MLIP: variants seen among roughly 807,000 people sequenced by gnomAD.
The protein encoded by MLIP is muscular LMNA interacting protein.
Under a neutral mutation model 84.8 loss-of-function variants are expected in MLIP, and 79 were observed. That is an observed-to-expected ratio of 0.93 (90% confidence interval 0.78 to 1.12). The LOEUF (loss-of-function observed/expected upper bound fraction) is 1.12. MLIP is among the 50% of genes most tolerant of loss of function. The pLI is 0.00. For missense variants in MLIP, 1,257 were observed against 1,160.6 expected, an observed-to-expected ratio of 1.08 and a Z score of -1.21; for synonymous variants, 504 against 463.0, an observed-to-expected ratio of 1.09 and a Z score of -1.14.
chr6:54,085,712 T>C (rs1767441751), intron 1 of MLIP, among the ~76,000 whole-genome samples: 1 of 152,170 alleles, frequency 6.6e-6, no homozygotes, highest in Non-Finnish European at 1.5e-5. Flanking sequence ...ATCCATTCCT[T>C]TGAAAAGGTC....
intron 3 of MLIP, among the ~76,000 whole-genome samples, chr6:54,125,676 G>A (rs1054542052): frequency 4.6e-5 from 7 of 152,204 alleles, no homozygotes; most frequent in Non-Finnish European, 7.3e-5. Context: ...CGCTGGCTTT[G>A]AGAGTAGGTA....
intron 1 of MLIP, among the ~76,000 whole-genome samples, chr6:54,087,190 TC>T (rs1189975634): frequency 6.6e-6 from 1 of 152,140 alleles, no homozygotes; most frequent in Non-Finnish European, 1.5e-5. Context: ...TTTCTGGAAG[TC>T]TATTCTAATA....
At position 54,149,101 on chromosome 6, in the gene MLIP, A is replaced by G. The variant is rs757695034; in HGVS notation, c.2263A>G (p.Thr755Ala). The G allele has an allele frequency of 6.2e-7, 1 of 1,613,000 alleles. No homozygotes were observed. The highest frequency in any genetic ancestry group is 1.7e-5 in the Admixed American group (1 of 59,954). Residue 755 changes from threonine (T) to alanine (A), a missense_variant, in exon 5 of 14, where the codon ACA becomes GCA. By Grantham distance (58) the Thr-to-Ala change is moderately conservative. Coordinates refer to ENST00000502396, the MANE Select transcript of MLIP (RefSeq NM_001281747.2). ...CTACAAGGCTTTTGCAGCAATCCCT[A>G]CAAACACATTGCTTTTGGAACAGAA... Reference protein sequence around the residue: ...SSYKAFAAIPTNTLLLEQKAL... With the variant: ...SSYKAFAAIPANTLLLEQKAL...
In MLIP at chr6:54,137,188, C is replaced by T. The variant is rs541631723; in HGVS notation, c.1119C>T (p.Leu373=). ...CAGTCCGCATTGTCACGCATTCACTCTCTCCGAGCCCCAAACCATTTACCT... is the reference window on the plus strand; with the variant it reads ...CAGTCCGCATTGTCACGCATTCACTTTCTCCGAGCCCCAAACCATTTACCT... The part of the protein sequence containing the change: ...YIPVRIVTHS[L]SPSPKPFTSS... The change falls in exon 4 of 14, where the codon CTC becomes CTT. Residue 373 remains leucine, a synonymous_variant. Coordinates refer to ENST00000502396, the MANE Select transcript of MLIP (RefSeq NM_001281747.2). 1 of 1,536,126 alleles carries T rather than the reference C, an allele frequency of 6.5e-7. No individual in the cohort carries two copies. The highest frequency in any genetic ancestry group is 2.4e-5 in the East Asian group (1 of 40,904).
chr6:54,199,195 T>C (rs116256157), intron 10 of MLIP, among the ~76,000 whole-genome samples: 2,029 of 152,196 alleles, frequency 0.013, 46 homozygotes, highest in African/African-American at 0.047. Context: ...GGTGGATATT[T>C]AACAAAGATT....
upstream of MLIP, among the ~76,000 whole-genome samples, chr6:54,110,369 T>C (rs74836866): frequency 3.6e-3 from 547 of 152,284 alleles, 1 homozygote; most frequent in African/African-American, 0.012. Context: ...CATTAGCTTT[T>C]TGAGGGCAAG....
At chr6:54,020,023 A>G (rs1763407470) in intron 1 of MLIP, among the ~76,000 whole-genome samples, 1 of 152,204 alleles carries the variant, frequency 6.6e-6, no homozygotes. Context: ...CCCACTTTGT[A>G]CCTCTGCCCT....
intron 12 of MLIP, among the ~76,000 whole-genome samples, chr6:54,240,860 C>T (rs1199597797): frequency 1.3e-5 from 2 of 152,250 alleles, no homozygotes; most frequent in Non-Finnish European, 2.9e-5. Flanking sequence ...CCTGTAGTCC[C>T]AGCTACTCGA....
intron 1 of MLIP, among the ~76,000 whole-genome samples, chr6:54,043,646 T>A (rs563983804): frequency 6.6e-4 from 100 of 152,298 alleles, no homozygotes; most frequent in Non-Finnish European, 1.3e-3. Flanking sequence ...GAATTATGTC[T>A]GGTACAGAGA....
At chr6:54,119,996 C>T (rs573208672) in intron 1 of MLIP, among the ~76,000 whole-genome samples, 1 of 152,264 alleles carries the variant, frequency 6.6e-6, no homozygotes, top group East Asian at 1.9e-4. Flanking sequence ...GCTCCCCTTT[C>T]CTTCTCTACT....
intron 1 of MLIP, among the ~76,000 whole-genome samples, chr6:54,101,130 T>C (rs1271389344): frequency 1.3e-5 from 2 of 152,174 alleles, no homozygotes; most frequent in Non-Finnish European, 2.9e-5. Flanking sequence ...GATTTTTAGC[T>C]ATTGTGGACA....
intron 9 of MLIP, among the ~76,000 whole-genome samples, chr6:54,175,245 C>T (rs1290191654): frequency 6.6e-6 from 1 of 151,676 alleles, no homozygotes; most frequent in Non-Finnish European, 1.5e-5. Context: ...TTGTAGTTCC[C>T]TATAAATTTT....
intron 3 of MLIP, among the ~76,000 whole-genome samples, chr6:54,135,763 A>C (rs2150478921): frequency 6.6e-6 from 1 of 152,220 alleles, no homozygotes; most frequent in Non-Finnish European, 1.5e-5. Context: ...GTTCTGTTTA[A>C]AAGGTGTTCA....
chr6:54,082,135 G>A (rs1215269010), intron 1 of MLIP, among the ~76,000 whole-genome samples: 4 of 152,056 alleles, frequency 2.6e-5, no homozygotes, highest in Non-Finnish European at 5.9e-5. Context: ...ATTATTTTTA[G>A]AATGTTTCTG....
chr6:54,138,289 A>T lies in MLIP; in HGVS notation c.2217+3A>T. The T allele has an allele frequency of 6.5e-7, 1 of 1,532,052 alleles. No individual in the cohort carries two copies. Among genetic ancestry groups the T allele is most frequent in the Non-Finnish European group, 8.7e-7 (1 of 1,143,952 alleles). 94.9% of individuals were successfully genotyped at this position (1,532,052 alleles called of 1,614,324 possible). A position where few individuals can be genotyped will look rare whatever the true frequency, so the allele number is the denominator to read the frequency against. The stretch of plus-strand genomic sequence containing the variant: ...GCCCAGAAAATAAGAAATCAAAGGT[A>T]TTTTTTGCATGTTGCATGGTGCATG... On this transcript the variant is annotated splice_donor_region_variant and intron_variant, in intron 4 of 13. Coordinates refer to ENST00000502396, the MANE Select transcript of MLIP (RefSeq NM_001281747.2).
intron 1 of MLIP, among the ~76,000 whole-genome samples, chr6:54,050,766 C>T (rs1239411266): frequency 1.3e-5 from 2 of 152,086 alleles, no homozygotes; most frequent in African/African-American, 4.8e-5. Context: ...GCTGTATGGG[C>T]ATCATGGTAT....
At chr6:54,084,157 C>CT (rs919403725) in intron 1 of MLIP, among the ~76,000 whole-genome samples, 2 of 152,094 alleles carry the variant, frequency 1.3e-5, no homozygotes, top group African/African-American at 4.8e-5. Context: ...CTTCCTTGAA[C>CT]TTTTTTGCTC....
At chr6:54,024,512 G>GA (rs1171270259) in intron 1 of MLIP, among the ~76,000 whole-genome samples, 1 of 152,044 alleles carries the variant, frequency 6.6e-6, no homozygotes, top group Non-Finnish European at 1.5e-5. Flanking sequence ...AATGTACTCA[G>GA]AAAAAACAAA....
intron 1 of MLIP, among the ~76,000 whole-genome samples, chr6:54,042,512 A>G (rs1333687104): frequency 6.6e-6 from 1 of 152,180 alleles, no homozygotes; most frequent in African/African-American, 2.4e-5. Context: ...TCATGATTCT[A>G]TCACAACAGA....
Sources: allele counts gnomAD v4.1 joint callset (sites outside exome capture counted in the v4.1 genomes callset), GRCh38; gene constraint gnomAD v4.1.1; transcripts MANE v1.5; gene names NCBI Gene and HGNC (gene_info 2026-07-23, HGNC 2026-07-21).